The following GRIK4 variants were observed in gnomAD, a reference collection of about 807,000 sequenced individuals.
GRIK4 encodes the protein glutamate ionotropic receptor kainate type subunit 4, also known as glutamate receptor ionotropic, kainate 4.
GRIK4 carries 40 observed loss-of-function variants against 104.9 expected under a neutral mutation model. The observed-to-expected ratio is 0.38, with a 90% CI of 0.30 to 0.50. The LOEUF is 0.50. GRIK4 is among the 20% of genes least tolerant of loss of function. GRIK4 has a pLI of 0.93. For missense variants in GRIK4, 1,047 were observed against 1,308.1 expected, an observed-to-expected ratio of 0.80 and a Z score of 3.08; for synonymous variants, 485 against 524.9, an observed-to-expected ratio of 0.92 and a Z score of 1.04.
intron 11 of GRIK4, among the ~76,000 whole-genome samples, chr11:120,880,467 A>G (rs2135701894): frequency 6.6e-6 from 1 of 152,342 alleles, no homozygotes; most frequent in South Asian, 2.1e-4. Flanking sequence ...TAAGTGCCAG[A>G]TTGAAGAACT....
At chr11:120,764,097 C>CT (rs1432528460) in intron 3 of GRIK4, among the ~76,000 whole-genome samples, 1 of 152,156 alleles carries the variant, frequency 6.6e-6, no homozygotes, top group African/African-American at 2.4e-5. Flanking sequence ...TTGTGGGTCT[C>CT]TAAGAACTTG....
At chr11:120,708,773 T>C (rs1950672719) in intron 3 of GRIK4, among the ~76,000 whole-genome samples, 1 of 152,144 alleles carries the variant, frequency 6.6e-6, no homozygotes, top group Non-Finnish European at 1.5e-5. Flanking sequence ...CCAGCTGAAG[T>C]CTTTGCTTTG....
At chr11:120,783,127 G>A (rs1412688988) in intron 3 of GRIK4, among the ~76,000 whole-genome samples, 8 of 152,136 alleles carry the variant, frequency 5.3e-5, no homozygotes, top group Non-Finnish European at 1.0e-4. Context: ...GCAGACAGCA[G>A]CCCCCCCACA....
chr11:120,580,269 C>CTTT, intron 1 of GRIK4, among the ~76,000 whole-genome samples: 1 of 113,854 alleles, frequency 8.8e-6, no homozygotes, highest in South Asian at 2.6e-4. Context: ...TTCTTTCTTT[C>CTTT]CTTTCTTTCT....
chr11:120,603,912 T>G (rs1216508726), intron 1 of GRIK4, among the ~76,000 whole-genome samples: 2 of 150,004 alleles, frequency 1.3e-5, no homozygotes, highest in African/African-American at 2.4e-5. Context: ...GGCTCATGCC[T>G]ATAACCCCAG....
rs1948220539 is a variant in GRIK4 at position 120,559,654 on chromosome 11, CT to C, written c.-159+47768del. Among the ~76,000 whole-genome samples the C allele has an allele frequency of 2.0e-5, 3 of 152,308 alleles. No individual in the cohort carries two copies. In the South Asian group the frequency reaches 6.2e-4, roughly 32 times the overall value. ...TCAGGGTCATTATTATAAACACCAG[CT>C]ACTACCTGTGCACTAATAGACACTT... is the stretch of plus-strand genomic sequence containing the variant. On this transcript the variant is annotated intron_variant, in intron 1 of 20. Coordinates refer to ENST00000527524, the MANE Select transcript of GRIK4 (RefSeq NM_014619.5).
chr11:120,834,051 A>C (rs1038313868), intron 7 of GRIK4, among the ~76,000 whole-genome samples: 1 of 152,150 alleles, frequency 6.6e-6, no homozygotes, highest in Non-Finnish European at 1.5e-5. Context: ...TTTGTACATA[A>C]ATCTTTATAC....
At chr11:120,871,802 G>A (rs1295197305) in intron 9 of GRIK4, 1 of 456,372 alleles carries the variant, frequency 2.2e-6, no homozygotes, top group Non-Finnish European at 4.4e-6. Context: ...GCAAGAGAGG[G>A]AGGGAGAGAG....
chr11:120,749,458 T>C (rs897498690), intron 3 of GRIK4, among the ~76,000 whole-genome samples: 1 of 152,202 alleles, frequency 6.6e-6, no homozygotes, highest in Non-Finnish European at 1.5e-5. Flanking sequence ...ACAGTCCTAC[T>C]TCTGTCCTTG....
chr11:120,782,487 G>A (rs985277435), intron 3 of GRIK4, among the ~76,000 whole-genome samples: 12 of 152,150 alleles, frequency 7.9e-5, no homozygotes, highest in Admixed American at 1.3e-4. Context: ...GGGTTTCACC[G>A]TGTTAGCCAG....
At position 120,605,004 on chromosome 11, in the gene GRIK4, T is replaced by G. The variant is rs957284265; in HGVS notation, c.-158-48681T>G. Among the ~76,000 whole-genome samples the G allele has an allele frequency of 2.6e-5, 4 of 152,294 alleles. No individual in the cohort carries two copies. In the South Asian group the frequency reaches 8.3e-4, roughly 32 times the overall value. On this transcript the variant is annotated intron_variant, in intron 1 of 20. Transcript: ENST00000527524. ...CAGCCTCCCGAGTAGCCGGGACCAC[T>G]GGTGTGCACCACCGTACCTGCCTAA...
intron 5 of GRIK4, among the ~76,000 whole-genome samples, chr11:120,818,742 C>A (rs1953026851): frequency 6.6e-6 from 1 of 152,198 alleles, no homozygotes; most frequent in South Asian, 2.1e-4. Context: ...CAGGCAGAGA[C>A]AATTCTTCAG....
At chr11:120,643,887 C>G (rs935168208) in intron 1 of GRIK4, among the ~76,000 whole-genome samples, 1 of 152,166 alleles carries the variant, frequency 6.6e-6, no homozygotes, top group Non-Finnish European at 1.5e-5. Flanking sequence ...TCAGTTTCCT[C>G]TTTCAGAAAA....
intron 3 of GRIK4, among the ~76,000 whole-genome samples, chr11:120,745,388 C>G (rs1337980023): frequency 6.6e-6 from 1 of 152,182 alleles, no homozygotes; most frequent in African/African-American, 2.4e-5. Context: ...ACAATGAGCC[C>G]ATTACACTGT....
intron 17 of GRIK4, 109 bp downstream of exon 17, chr11:120,961,183 A>C: frequency 9.5e-7 from 1 of 1,048,046 alleles, no homozygotes; most frequent in Non-Finnish European, 1.4e-6. Flanking sequence ...ATCTCTTTTG[A>C]ACATATAGTT....
chr11:120,612,032 G>A (rs1343714281), intron 1 of GRIK4, among the ~76,000 whole-genome samples: 1 of 152,194 alleles, frequency 6.6e-6, no homozygotes, highest in Non-Finnish European at 1.5e-5. Context: ...AGGTCCTGCT[G>A]CTTCCACAAA....
At chr11:120,612,761 G>T (rs1482671482) in intron 1 of GRIK4, among the ~76,000 whole-genome samples, 2 of 152,218 alleles carry the variant, frequency 1.3e-5, no homozygotes, top group African/African-American at 4.8e-5. Context: ...TGTGGTGGAT[G>T]GGAACTGGCT....
At chr11:120,900,868 C>CGGTTGT (rs1190590310) in intron 12 of GRIK4, among the ~76,000 whole-genome samples, 1 of 152,156 alleles carries the variant, frequency 6.6e-6, no homozygotes, top group African/African-American at 2.4e-5. Flanking sequence ...GAGAGGGTTG[C>CGGTTGT]GGTGTCGCTG....
At chr11:120,880,771 A>G (rs1954948556) in intron 11 of GRIK4, among the ~76,000 whole-genome samples, 1 of 152,250 alleles carries the variant, frequency 6.6e-6, no homozygotes, top group Non-Finnish European at 1.5e-5. Flanking sequence ...TTCTGCCATA[A>G]TAGGAATAGT....
Sources: gnomAD v4.1 joint callset for allele counts (sites outside exome capture counted in the v4.1 genomes callset) on GRCh38, gnomAD v4.1.1 for gene constraint, MANE v1.5 for transcripts, NCBI Gene and HGNC (gene_info 2026-07-23, HGNC 2026-07-21) for gene names.